WT1: variants seen among roughly 807,000 people sequenced by gnomAD.
The protein encoded by WT1 is Wilms tumor protein.
Under a neutral mutation model 60.8 loss-of-function variants are expected in WT1, and 8 were observed. The ratio of observed to expected loss-of-function variants is 0.13; its 90% CI spans 0.08 to 0.24. The LOEUF (loss-of-function observed/expected upper bound fraction) is 0.24, where lower values mean the gene tolerates loss of function less well. Among genes scored for constraint, WT1 ranks in the 10% least tolerant of loss-of-function variants. The pLI, the probability that WT1 is intolerant of heterozygous loss-of-function variation, is 1.00. For missense variants in WT1, 568 were observed against 711.8 expected (o/e 0.80, Z 2.30); for synonymous variants, 312 against 297.1 (o/e 1.05, Z -0.52).
chr11:32,397,920 G>T (rs954735716), intron 6 of WT1, among the ~76,000 whole-genome samples: 2 of 152,170 alleles, frequency 1.3e-5, no homozygotes, highest in African/African-American at 2.4e-5. Flanking sequence ...TAGAGGCCAT[G>T]GCAAGTGAGC....
chr11:32,390,916 G>A (rs1466264943), intron 9 of WT1, among the ~76,000 whole-genome samples: 1 of 152,164 alleles, frequency 6.6e-6, no homozygotes, highest in Admixed American at 6.5e-5. Context: ...AATTATTATT[G>A]CCTCAGTCTC....
chr11:32,427,914 G>C (rs771785407), intron 3 of WT1, 42 bp downstream of exon 3: 2 of 1,557,874 alleles, frequency 1.3e-6, no homozygotes, highest in Non-Finnish European at 1.7e-6. Flanking sequence ...CGTCCCCTCC[G>C]GGGTCCCAAG....
intron 1 of WT1, 131 bp from the exon 2 acceptor site, chr11:32,428,750 C>T: frequency 1.4e-6 from 2 of 1,449,168 alleles, no homozygotes; most frequent in Admixed American, 2.0e-5. Context: ...GAGGAGAATC[C>T]AGCCCCACAA....
chr11:32,410,347 G>A (rs1445432578), intron 5 of WT1, among the ~76,000 whole-genome samples: 2 of 152,004 alleles, frequency 1.3e-5, no homozygotes, highest in Non-Finnish European at 2.9e-5. Flanking sequence ...TCCTTCTCCC[G>A]ACCTTCTTTC....
chr11:32,416,625 G>A (rs943436071), intron 4 of WT1, 85 bp from the exon 5 acceptor site: 4 of 1,514,610 alleles, frequency 2.6e-6, no homozygotes, highest in Admixed American at 1.7e-5. Flanking sequence ...CCAGTGAAAA[G>A]CCCCTCAATA....
intron 5 of WT1, among the ~76,000 whole-genome samples, chr11:32,414,658 A>C (rs1852608141): frequency 6.6e-6 from 1 of 152,184 alleles, no homozygotes; most frequent in South Asian, 2.1e-4. Flanking sequence ...GGATCGCCTG[A>C]GGTCAGGTGT....
chr11:32,433,743 C>A (rs1028405027), intron 1 of WT1, among the ~76,000 whole-genome samples: 1 of 152,226 alleles, frequency 6.6e-6, no homozygotes, highest in Non-Finnish European at 1.5e-5. Flanking sequence ...GGGCGGGCAT[C>A]GGCGCGGGAT....
chr11:32,388,981 G>A lies in WT1; in HGVS notation c.*77C>T, dbSNP rs1476631211. 9.9e-6 allele frequency: 16 copies of A among 1,608,920 alleles called. No individual in the cohort carries two copies. In the East Asian group the frequency reaches 2.7e-4, roughly 27 times the overall value. On this transcript the variant is annotated 3_prime_UTR_variant, in exon 10 of 10. Transcript: ENST00000452863. Reference sequence around the variant, plus strand: ...ACTGAAGTTTCCTTTTTAGTGAGGAGGAGTGGAGAGTCAGACTTGAAAGCA... The same window carrying A: ...ACTGAAGTTTCCTTTTTAGTGAGGAAGAGTGGAGAGTCAGACTTGAAAGCA...
At chr11:32,398,046 G>T (rs934400470) in intron 6 of WT1, among the ~76,000 whole-genome samples, 1 of 152,168 alleles carries the variant, frequency 6.6e-6, no homozygotes, top group Non-Finnish European at 1.5e-5. Flanking sequence ...TAAGGGTCCC[G>T]GTGAAGGATT....
At chr11:32,410,994 T>C (rs549175639) in intron 5 of WT1, among the ~76,000 whole-genome samples, 1 of 151,872 alleles carries the variant, frequency 6.6e-6, no homozygotes, top group South Asian at 2.1e-4. Flanking sequence ...AGATCAGGGA[T>C]AGGAGAAGTC....
rs1554946595 is a variant in WT1, at chr11:32,435,015, G to T, written c.346C>A (p.Pro116Thr). ...AACGACCCGTAAGCCGAAGCGCCCG[G>T]GGGCGCAAAGTCCAGCACCGGCGCC... The change falls in exon 1 of 10, where the codon CCG becomes ACG. Residue 116 changes from proline (P) to threonine (T), a missense_variant. Physicochemically the swap from Pro to Thr is conservative, Grantham distance 38 (BLOSUM62 -1). Transcript: ENST00000452863. 2.0e-6 allele frequency: 3 copies of T among 1,488,040 alleles called. No individual in the cohort carries two copies. Among genetic ancestry groups the T allele is most frequent in the Non-Finnish European group, 2.7e-6 (3 of 1,129,476 alleles). 92.2% of individuals were successfully genotyped at this position (1,488,040 alleles called of 1,614,324 possible).
At chr11:32,428,971 C>T (rs1853168018) in intron 1 of WT1, 2 of 371,356 alleles carry the variant, frequency 5.4e-6, no homozygotes, top group Admixed American at 3.7e-5. Context: ...GGTTGTTCAC[C>T]CCCCAAAAAT....
chr11:32,434,753 T>G lies in WT1; in HGVS notation c.608A>C (p.Asn203Thr). ...GAGGCAGCTGGGCAGGTAGGGCGCG[T>G]TAGGAAACATCCTGGCCTGGCCGGA... Residue 203 changes from asparagine (N) to threonine (T), a missense_variant, in exon 1 of 10, where the codon AAC becomes ACC. Around this residue, in one of 3 missense-constraint regions of WT1, gnomAD observed 523 missense variants for 565.1 expected, o/e 0.93. Transcript: ENST00000452863. 6.2e-7 allele frequency: 1 copy of G among 1,612,776 alleles called. No individual in the cohort carries two copies. Among genetic ancestry groups the G allele is most frequent in the South Asian group, 1.1e-5 (1 of 91,046 alleles).
chr11:32,408,713 A>G (rs1852404368), intron 5 of WT1, among the ~76,000 whole-genome samples: 1 of 152,108 alleles, frequency 6.6e-6, no homozygotes, highest in South Asian at 2.1e-4. Context: ...GGGATATTCT[A>G]CCAGAAAACT....
chr11:32,410,122 G>A (rs919300494), intron 5 of WT1, among the ~76,000 whole-genome samples: 2 of 151,990 alleles, frequency 1.3e-5, no homozygotes, highest in Non-Finnish European at 2.9e-5. Context: ...TAGAGAACAG[G>A]GTTTCGCCAC....
At chr11:32,393,444 G>C (rs1223428207) in intron 7 of WT1, among the ~76,000 whole-genome samples, 2 of 152,182 alleles carry the variant, frequency 1.3e-5, no homozygotes, top group East Asian at 3.8e-4. Context: ...CAAATACTGG[G>C]ACCTGAGCCC....
chr11:32,403,668 G>A (rs1852224146), intron 5 of WT1, among the ~76,000 whole-genome samples: 1 of 149,666 alleles, frequency 6.7e-6, no homozygotes, highest in Non-Finnish European at 1.5e-5. Context: ...CCCGCCTCCT[G>A]GGTTCACGCC....
intron 1 of WT1, among the ~76,000 whole-genome samples, chr11:32,430,150 G>A (rs1853229922): frequency 6.6e-6 from 1 of 151,884 alleles, no homozygotes; most frequent in African/African-American, 2.4e-5. Flanking sequence ...CACACACTGG[G>A]GATTTGAGAA....
intron 5 of WT1, among the ~76,000 whole-genome samples, chr11:32,411,985 T>C (rs930454329): frequency 1.4e-4 from 22 of 152,184 alleles, no homozygotes; most frequent in Admixed American, 1.2e-3. Flanking sequence ...AATGCTGATA[T>C]TCACAGAACT....
Sources: gnomAD v4.1 joint callset for allele counts (sites outside exome capture counted in the v4.1 genomes callset) on GRCh38, gnomAD v4.1.1 for gene constraint, gnomAD v4.1.1 regional missense constraint, MANE v1.5 for transcripts, NCBI Gene and HGNC (gene_info 2026-07-23, HGNC 2026-07-21) for gene names.